DST: variants seen among roughly 807,000 people sequenced by gnomAD.
DST encodes the protein dystonin.
A neutral mutation model predicts 875.2 loss-of-function variants in DST; 253 were observed. The observed-to-expected ratio is 0.29, with a 90% CI of 0.26 to 0.32. The LOEUF is 0.32. Ranked by LOEUF, DST falls within the 10% of genes least tolerant of loss-of-function variation. DST has a pLI of 1.00. For missense variants in DST, 8,287 were observed against 9,111.6 expected, an observed-to-expected ratio of 0.91 and a Z score of 3.68; for synonymous variants, 3,124 against 3,197.1, an observed-to-expected ratio of 0.98 and a Z score of 0.77.
intron 4 of DST, among the ~76,000 whole-genome samples, chr6:56,825,894 C>T (rs1047458665): frequency 2.0e-5 from 3 of 152,138 alleles, no homozygotes; most frequent in Non-Finnish European, 4.4e-5. Context: ...TGCTGGTTTT[C>T]CCCAACAGAC....
chr6:56,590,327 T>TA (rs1413842073), intron 49 of DST, among the ~76,000 whole-genome samples: 1 of 152,166 alleles, frequency 6.6e-6, no homozygotes, highest in African/African-American at 2.4e-5. Flanking sequence ...TCTAGTTATA[T>TA]AAAAATTACT....
At chr6:56,700,657 A>C (rs1186826975) in intron 8 of DST, among the ~76,000 whole-genome samples, 3 of 152,164 alleles carry the variant, frequency 2.0e-5, no homozygotes, top group Non-Finnish European at 4.4e-5. Context: ...AAATAAATCA[A>C]ATGATGATCC....
At position 56,573,761 on chromosome 6, in the gene DST, C is replaced by T. The variant is rs1213509782; in HGVS notation, c.13154G>A (p.Gly4385Glu). The T allele has an allele frequency of 1.2e-6, 2 of 1,613,568 alleles. No homozygotes were observed. Among genetic ancestry groups the T allele is most frequent in the Non-Finnish European group, 1.7e-6 (2 of 1,179,712 alleles). ...TTCTTTCAGAGAACTTTCCACATTT[C>T]CCATCCAGTCCAGCATTTCATCCAA... ...DGLDEMLDWM[G>E]NVESSLKEQG... The change falls in exon 51 of 104, where the codon GGA (glycine) becomes GAA (glutamate). Residue 4385 changes from glycine to glutamate, a missense_variant. Gly to Glu is a moderately conservative substitution (Grantham distance 98). Coordinates refer to ENST00000680361, the MANE Select transcript of DST (RefSeq NM_001374736.1).
intron 5 of DST, among the ~76,000 whole-genome samples, chr6:56,729,303 T>C (rs1033021728): frequency 2.6e-5 from 4 of 152,284 alleles, no homozygotes; most frequent in African/African-American, 9.6e-5. Context: ...AAAATTCCCC[T>C]ATTTTGGCTG....
At chr6:56,575,209 G>C (rs1457685203) in intron 50 of DST, among the ~76,000 whole-genome samples, 1 of 152,108 alleles carries the variant, frequency 6.6e-6, no homozygotes, top group Non-Finnish European at 1.5e-5. Context: ...ACTACTAGTT[G>C]GGGGAGAGGG....
intron 2 of DST, among the ~76,000 whole-genome samples, chr6:56,934,561 TA>T (rs1490903014): frequency 6.4e-4 from 9 of 13,992 alleles, no homozygotes; most frequent in East Asian, 2.7e-3. Flanking sequence ...TATATTATAT[TA>T]TATATATATA....
intron 49 of DST, among the ~76,000 whole-genome samples, chr6:56,582,151 G>A (rs1035263643): frequency 6.6e-5 from 10 of 152,060 alleles, no homozygotes; most frequent in Non-Finnish European, 4.4e-5. Flanking sequence ...CTCTAATATA[G>A]CTCCTAATGT....
chr6:56,532,189 G>A (rs543984438), intron 64 of DST, among the ~76,000 whole-genome samples, 155 bp downstream of exon 64: 2 of 152,160 alleles, frequency 1.3e-5, no homozygotes, highest in Non-Finnish European at 2.9e-5. Flanking sequence ...TTAGAGGAAT[G>A]AGGAAAGAGG....
At chr6:56,616,451 A>G in intron 36 of DST, 1 of 1,614,102 alleles carries the variant, frequency 6.2e-7, no homozygotes, top group African/African-American at 1.3e-5. Context: ...TACTACAGAA[A>G]TTCTATGTGT....
At chr6:56,534,116 A>G (rs767406994) in intron 63 of DST, among the ~76,000 whole-genome samples, 6 of 152,208 alleles carry the variant, frequency 3.9e-5, no homozygotes, top group Non-Finnish European at 7.3e-5. Flanking sequence ...TGAAATATAC[A>G]GTACATTATT....
rs541413802 is a variant in DST at position 56,784,837 on chromosome 6, T to A, written c.626-49548A>T. Among the ~76,000 whole-genome samples, 6 of 152,358 alleles carry A rather than the reference T, an allele frequency of 3.9e-5. No individual in the cohort carries two copies. In the South Asian group the frequency reaches 1.0e-3, roughly 26 times the overall value. On this transcript the variant is annotated intron_variant, in intron 4 of 103. Coordinates refer to ENST00000680361, the MANE Select transcript of DST (RefSeq NM_001374736.1). Reference sequence around the variant, plus strand: ...AGTTTCCAGTTTTTCTGCTCTGTTTTTTTCCCCATCTTTATGGTTTTATCC... The same window carrying A: ...AGTTTCCAGTTTTTCTGCTCTGTTTATTTCCCCATCTTTATGGTTTTATCC...
intron 38 of DST, among the ~76,000 whole-genome samples, chr6:56,611,237 C>T (rs193159957): frequency 2.0e-5 from 3 of 152,286 alleles, no homozygotes; most frequent in African/African-American, 7.2e-5. Context: ...AGTCTGCACT[C>T]TACCTCTCAC....
intron 69 of DST, among the ~76,000 whole-genome samples, chr6:56,521,873 G>C (rs2096714576): frequency 1.3e-5 from 2 of 152,024 alleles, no homozygotes; most frequent in Admixed American, 6.6e-5. Context: ...GCAACATGGA[G>C]AGAAATACAC....
At position 56,896,328 on chromosome 6, in the gene DST, A is replaced by G. The variant is rs1791270532; in HGVS notation, c.417+4093T>C. 2.0e-5 allele frequency among the ~76,000 whole-genome samples: 3 copies of G among 152,010 alleles called. No individual in the cohort carries two copies. In the South Asian group the frequency reaches 6.2e-4, roughly 32 times the overall value. ...GGTCGGTCTTCCCCATGCTATTCTC[A>G]TGATAGTGAATAAGTCTCATGAGAT... On this transcript the variant is annotated intron_variant, in intron 3 of 103. Transcript: ENST00000680361.
chr6:56,587,699 T>A (rs1429649217), intron 49 of DST, among the ~76,000 whole-genome samples: 1 of 152,122 alleles, frequency 6.6e-6, no homozygotes, highest in Non-Finnish European at 1.5e-5. Context: ...CCCATCAGAC[T>A]AACAGCAGAT....
chr6:56,662,507 TGCAACTAGGTTTGCCA>T, intron 10 of DST, among the ~76,000 whole-genome samples: 1 of 152,200 alleles, frequency 6.6e-6, no homozygotes, highest in African/African-American at 2.4e-5. Context: ...CTGTAGAAAT[TGCAACTAGGTTTGCCA>T]GTCTCCCATG....
chr6:56,501,739 A>G, intron 78 of DST, 46 bp from the exon 79 acceptor site: 1 of 1,355,914 alleles, frequency 7.4e-7, no homozygotes, highest in Non-Finnish European at 1.0e-6. Context: ...AAAAATCACT[A>G]ACTCCAAACA....
At chr6:56,512,867 C>T (rs932638838) in intron 72 of DST, among the ~76,000 whole-genome samples, 9 of 152,182 alleles carry the variant, frequency 5.9e-5, no homozygotes, top group Non-Finnish European at 1.0e-4. Flanking sequence ...ATATAGCATG[C>T]TGCACATAAG....
chr6:56,950,799 C>T (rs1821913865), intron 2 of DST, among the ~76,000 whole-genome samples: 2 of 152,126 alleles, frequency 1.3e-5, no homozygotes, highest in African/African-American at 2.4e-5. Flanking sequence ...TATTTATGAA[C>T]ATTTAGAAGA....
Sources: gnomAD v4.1 joint callset for allele counts (sites outside exome capture counted in the v4.1 genomes callset) on GRCh38, gnomAD v4.1.1 for gene constraint, MANE v1.5 for transcripts, NCBI Gene and HGNC (gene_info 2026-07-23, HGNC 2026-07-21) for gene names.